The following CERS1 variants were observed in gnomAD, a reference collection of about 807,000 sequenced individuals.
The protein encoded by CERS1 is Embryonic growth/differentiation factor 1.
A neutral mutation model predicts 35.7 loss-of-function variants in CERS1; 16 were observed. That is an observed-to-expected ratio of 0.45 (90% CI 0.30 to 0.68). The LOEUF (loss-of-function observed/expected upper bound fraction) is 0.68. CERS1 is among the 30% of genes least tolerant of loss of function. The probability of loss-of-function intolerance (pLI) is 0.08; values close to 1 mark genes in which losing one functional copy is unlikely to be tolerated. For synonymous variants in CERS1, 243 were observed against 201.6 expected, an observed-to-expected ratio of 1.21 and a Z score of -1.74; for missense variants, 454 against 453.9, an observed-to-expected ratio of 1.00 and a Z score of 0.00.
At chr19:18,876,627 C>T (rs1487819549) in intron 6 of CERS1, among the ~76,000 whole-genome samples, 7 of 151,768 alleles carry the variant, frequency 4.6e-5, no homozygotes, top group Middle Eastern at 3.4e-3. Flanking sequence ...TCAAGCCATC[C>T]TCCTGCCTTG....
At chr19:18,871,470 C>T (rs1291296686) in intron 6 of CERS1, among the ~76,000 whole-genome samples, 1 of 152,146 alleles carries the variant, frequency 6.6e-6, no homozygotes, top group South Asian at 2.1e-4. Context: ...GATCCGCCCA[C>T]CTTGGCCTCC....
intron 2 of CERS1, among the ~76,000 whole-genome samples, chr19:18,886,441 CG>C (rs1376375733): frequency 6.6e-6 from 1 of 151,958 alleles, no homozygotes; most frequent in African/African-American, 2.4e-5. Context: ...CCCAGCTACT[CG>C]GGAGGCTGAG....
chr19:18,869,837 G>A (rs2055932022), intron 7 of CERS1, 146 bp downstream of exon 7: 6 of 742,472 alleles, frequency 8.1e-6, no homozygotes, highest in South Asian at 7.8e-5. Flanking sequence ...AGGAAAGGGT[G>A]AGGTGCGGTG....
rs1432641126 is a variant in CERS1, at chr19:18,879,040, C to T, written c.901-1G>A. On this transcript the variant is annotated splice_acceptor_variant, in intron 5 of 7. Coordinates refer to ENST00000623882, the MANE Select transcript of CERS1 (RefSeq NM_021267.5). LOFTEE classifies it high-confidence loss of function. ...CCTTGGCTGCAAACGCCACGATGTA[C>T]TGCGAGAGGGGAGGGGAGGTGCCAG... is the stretch of plus-strand genomic sequence containing the variant. The T allele has an allele frequency of 6.8e-6, 11 of 1,613,206 alleles. No homozygotes were observed. Among genetic ancestry groups the T allele is most frequent in the Non-Finnish European group, 9.3e-6 (11 of 1,179,808 alleles).
rs2055906624 is a variant in CERS1 at position 18,868,938 on chromosome 19, C to G, written c.*1047G>C. ...CGACAAGCGCCCCCGGGGCCGCCGC[C>G]CAACACGGGTTCGGCGTCGCGCCGC... On this transcript the variant is annotated 3_prime_UTR_variant, in exon 8 of 8. Transcript: ENST00000623882. 1 of 1,281,436 alleles carries G rather than the reference C, an allele frequency of 7.8e-7. No individual in the cohort carries two copies. Among genetic ancestry groups the G allele is most frequent in the Non-Finnish European group, 9.9e-7 (1 of 1,008,070 alleles). 79.4% of individuals were successfully genotyped at this position (1,281,436 alleles called of 1,614,324 possible). A position where few individuals can be genotyped will look rare whatever the true frequency, so the allele number is the denominator to read the frequency against.
intron 6 of CERS1, among the ~76,000 whole-genome samples, chr19:18,877,577 C>A (rs1232286833): frequency 6.6e-6 from 1 of 152,014 alleles, no homozygotes; most frequent in Admixed American, 6.6e-5. Flanking sequence ...CATGAGGAAA[C>A]CCCAGCTCTA....
At chr19:18,881,202 A>C (rs2056197151) in intron 3 of CERS1, among the ~76,000 whole-genome samples, 3 of 149,074 alleles carry the variant, frequency 2.0e-5, no homozygotes, top group Non-Finnish European at 1.5e-5. Flanking sequence ...GCAGCCCATC[A>C]GGATCCTTTT....
rs1329759247 is a variant in CERS1 at position 18,869,333 on chromosome 19, G to C, written c.*652C>G. Reference sequence around the variant, plus strand: ...CACAGCCGACAGGTCGAAGACGACTGTCCACTCAGGGCAATGCCCCGCGGC... The same window carrying C: ...CACAGCCGACAGGTCGAAGACGACTCTCCACTCAGGGCAATGCCCCGCGGC... On this transcript the variant is annotated 3_prime_UTR_variant, in exon 8 of 8. Transcript: ENST00000623882. 6.5e-7 allele frequency: 1 copy of C among 1,528,982 alleles called. No individual in the cohort carries two copies. Among genetic ancestry groups the C allele is most frequent in the Non-Finnish European group, 8.7e-7 (1 of 1,145,096 alleles). The allele number at this position is 1,528,982 out of a possible 1,614,324, so 94.7% of individuals were successfully genotyped here.
At chr19:18,892,353 A>G (rs1033346815) in intron 2 of CERS1, among the ~76,000 whole-genome samples, 1 of 151,884 alleles carries the variant, frequency 6.6e-6, no homozygotes, top group African/African-American at 2.4e-5. Context: ...AGTGGCTCAC[A>G]CCTGTAATCC....
chr19:18,868,740 C>T lies in CERS1; in HGVS notation c.*1245G>A, dbSNP rs894657723. ...AGGTCGGCGGCTCCCGGGGCGGCCG[C>T]GTGCATGAGCGCGCGCAGCACAGCG... On this transcript the variant is annotated 3_prime_UTR_variant, in exon 8 of 8. Transcript: ENST00000623882. The T allele has an allele frequency of 2.4e-5, 36 of 1,527,072 alleles. No individual in the cohort carries two copies. The highest frequency in any genetic ancestry group is 3.2e-5 in the Non-Finnish European group (36 of 1,133,166). The allele number at this position is 1,527,072 out of a possible 1,614,324, so 94.6% of individuals were successfully genotyped here.
At chr19:18,886,381 C>A (rs1601178489) in intron 2 of CERS1, among the ~76,000 whole-genome samples, 1 of 152,090 alleles carries the variant, frequency 6.6e-6, no homozygotes. Flanking sequence ...AACCCCGTCT[C>A]TACTAAAAAT....
At position 18,883,753 on chromosome 19, in the gene CERS1, C is replaced by G. The variant is rs192940955; in HGVS notation, c.590+334G>C. 9.1e-3 allele frequency among the ~76,000 whole-genome samples: 1,386 copies of G among 152,230 alleles called. 9 individuals are homozygous for G. Among genetic ancestry groups the G allele is most frequent in the Non-Finnish European group, 0.015 (1,019 of 68,004 alleles). ...CCATTGCTTGGGCGTGGCAGGTGCTCAGGAACTCCTGGGTGTGTGACCTGG... is the reference window on the plus strand; with the variant it reads ...CCATTGCTTGGGCGTGGCAGGTGCTGAGGAACTCCTGGGTGTGTGACCTGG... On this transcript the variant is annotated intron_variant, in intron 3 of 7. Transcript: ENST00000623882.
chr19:18,880,599 G>A (rs2056180710), intron 3 of CERS1, among the ~76,000 whole-genome samples, 164 bp from the exon 4 acceptor site: 1 of 151,910 alleles, frequency 6.6e-6, no homozygotes, highest in Non-Finnish European at 1.5e-5. Flanking sequence ...CCACTTCCCA[G>A]GATGCCCTTT....
intron 3 of CERS1, 53 bp from the exon 4 acceptor site, chr19:18,880,488 A>G: frequency 6.7e-7 from 1 of 1,496,182 alleles, no homozygotes; most frequent in Non-Finnish European, 9.0e-7. Flanking sequence ...GGGGACCTCC[A>G]CTCTGCACTA....
intron 2 of CERS1, among the ~76,000 whole-genome samples, chr19:18,890,508 T>C (rs2056463331): frequency 1.3e-5 from 2 of 152,192 alleles, no homozygotes; most frequent in South Asian, 4.1e-4. Context: ...CTGGACGAGG[T>C]GGCTCATGCC....
chr19:18,870,136 C>A lies in CERS1; in HGVS notation c.*441G>T. 6.4e-7 allele frequency: 1 copy of A among 1,564,322 alleles called. No individual in the cohort carries two copies. The highest frequency in any genetic ancestry group is 8.6e-7 in the Non-Finnish European group (1 of 1,160,546). Reference sequence around the variant, plus strand: ...AACAGGCGCCACATGACCGGGGGAACCGGCCGGAGCCTGGGGGCACCCTGG... The same window carrying A: ...AACAGGCGCCACATGACCGGGGGAAACGGCCGGAGCCTGGGGGCACCCTGG... On this transcript the variant is annotated 3_prime_UTR_variant, in exon 7 of 8. Coordinates refer to ENST00000623882, the MANE Select transcript of CERS1 (RefSeq NM_021267.5). This position sits in a 1 kb window ranked among gnomAD's most constrained non-coding sequence, Gnocchi z 5.1.
At chr19:18,890,931 C>G (rs2056475322) in intron 2 of CERS1, among the ~76,000 whole-genome samples, 1 of 151,992 alleles carries the variant, frequency 6.6e-6, no homozygotes, top group Non-Finnish European at 1.5e-5. Context: ...TGAGACCAGC[C>G]TGGCCAACAT....
intron 2 of CERS1, 36 bp downstream of exon 2, chr19:18,893,380 G>A (rs1359867180): frequency 1.9e-6 from 3 of 1,571,322 alleles, no homozygotes; most frequent in Middle Eastern, 1.7e-4. Flanking sequence ...TGTGTTTTAA[G>A]CAGAGCCCTC....
intron 2 of CERS1, among the ~76,000 whole-genome samples, chr19:18,888,995 G>A (rs1005553219): frequency 1.0e-4 from 15 of 148,396 alleles, no homozygotes; most frequent in African/African-American, 3.5e-4. Context: ...AGGTTCAAGC[G>A]ATTCTCTTGC....
Sources: allele counts gnomAD v4.1 joint callset (sites outside exome capture counted in the v4.1 genomes callset), GRCh38; gene constraint gnomAD v4.1.1; non-coding constraint Gnocchi (gnomAD v3.1); transcripts MANE v1.5; gene names NCBI Gene and HGNC (gene_info 2026-07-23, HGNC 2026-07-21).